The following AHCYL1 variants were observed in gnomAD, a reference collection of about 807,000 sequenced individuals.
AHCYL1 encodes the protein S-adenosylhomocysteine hydrolase-like protein 1.
AHCYL1 carries 20 observed loss-of-function variants against 79.3 expected under a neutral mutation model. The ratio of observed to expected loss-of-function variants is 0.25; its 90% CI spans 0.18 to 0.37. The LOEUF (loss-of-function observed/expected upper bound fraction) is 0.37. Ranked by LOEUF, AHCYL1 falls within the 10% of genes least tolerant of loss-of-function variation. The pLI, the probability that AHCYL1 is intolerant of heterozygous loss-of-function variation, is 1.00. For missense variants in AHCYL1, 330 were observed against 673.6 expected, an observed-to-expected ratio of 0.49 and a Z score of 5.65; for synonymous variants, 223 against 242.2, an observed-to-expected ratio of 0.92 and a Z score of 0.74.
intron 13 of AHCYL1, 86 bp from the exon 14 acceptor site, chr1:110,018,965 T>G (rs1651613642): frequency 1.5e-6 from 2 of 1,290,354 alleles, no homozygotes; most frequent in Non-Finnish European, 2.3e-6. Flanking sequence ...TAGAGGGGTG[T>G]AAAGTCCTCT....
At chr1:110,014,153 G>T (rs890280980) in intron 5 of AHCYL1, among the ~76,000 whole-genome samples, 1 of 152,034 alleles carries the variant, frequency 6.6e-6, no homozygotes, top group Admixed American at 6.6e-5. Flanking sequence ...ATACTTTTGG[G>T]TTTTTTTGTT....
Position 110,012,453 on chromosome 1 carries a change from C to T in AHCYL1, c.468C>T (p.Ala156=), listed in dbSNP as rs184239081. ...TAGTGGGCTGTACACACATCACAGC[C>T]CAGACAGCGGTGAGTTTGTTGGAAG... ...AKIVGCTHIT[A]QTAVLIETLC... The change falls in exon 4 of 17, where the codon GCC becomes GCT. Residue 156 remains alanine, a synonymous_variant. Transcript: ENST00000369799. 5.0e-6 allele frequency: 8 copies of T among 1,603,756 alleles called. No homozygotes were observed. The highest frequency in any genetic ancestry group is 2.2e-5 in the East Asian group (1 of 44,562).
At chr1:110,017,096 C>G (rs61785489) in intron 9 of AHCYL1, among the ~76,000 whole-genome samples, 1 of 152,124 alleles carries the variant, frequency 6.6e-6, no homozygotes, top group Non-Finnish European at 1.5e-5. Context: ...TATCTCCAAA[C>G]TGGAATAGGT....
chr1:109,989,824 C>T (rs941745631), intron 1 of AHCYL1, among the ~76,000 whole-genome samples: 4 of 152,194 alleles, frequency 2.6e-5, no homozygotes, highest in African/African-American at 9.7e-5. Context: ...TAATTCAGAA[C>T]ACATGCTAAT....
At chr1:109,996,671 T>C (rs1650049518) in intron 1 of AHCYL1, among the ~76,000 whole-genome samples, 1 of 152,238 alleles carries the variant, frequency 6.6e-6, no homozygotes, top group African/African-American at 2.4e-5. Context: ...TTTAAATGAC[T>C]GGCAACGCAG....
intron 1 of AHCYL1, among the ~76,000 whole-genome samples, chr1:110,002,284 G>C (rs1208344434): frequency 6.6e-6 from 1 of 152,184 alleles, no homozygotes; most frequent in South Asian, 2.1e-4. Context: ...GAGAGAAATG[G>C]TTGATTCCAG....
At chr1:110,008,067 G>T (rs1283313064) in intron 1 of AHCYL1, among the ~76,000 whole-genome samples, 1 of 145,284 alleles carries the variant, frequency 6.9e-6, no homozygotes, top group East Asian at 2.0e-4. Flanking sequence ...CTGTCACCCA[G>T]GCTGGAGTGC....
intron 1 of AHCYL1, among the ~76,000 whole-genome samples, chr1:109,997,690 G>A (rs1301674474): frequency 6.6e-6 from 1 of 152,174 alleles, no homozygotes; most frequent in East Asian, 1.9e-4. Context: ...AACGCGTACT[G>A]CAGAAACATG....
chr1:109,989,619 A>G (rs1649651001), intron 1 of AHCYL1, among the ~76,000 whole-genome samples: 1 of 152,034 alleles, frequency 6.6e-6, no homozygotes, highest in African/African-American at 2.4e-5. Flanking sequence ...GTACTCTGCC[A>G]CTCCGAGTAG....
intron 1 of AHCYL1, chr1:110,004,537 C>CA (rs1386146043): frequency 2.1e-6 from 2 of 968,182 alleles, no homozygotes; most frequent in Non-Finnish European, 2.5e-6. Context: ...GAAAGGTATT[C>CA]AGACTTGTGT....
Position 110,022,322 on chromosome 1 carries a change from G to T in AHCYL1, c.*642G>T, listed in dbSNP as rs1570899464. ...TGCTCATTTTTCGAGTTTTTAACTA[G>T]ACTACACTCTATTGAGTTTAATTTT... On this transcript the variant is annotated 3_prime_UTR_variant, in exon 17 of 17. Coordinates refer to ENST00000369799, the MANE Select transcript of AHCYL1 (RefSeq NM_006621.7). 1.4e-5 allele frequency: 2 copies of T among 147,996 alleles called. No homozygotes were observed. Among genetic ancestry groups the T allele is most frequent in the South Asian group, 2.1e-4 (1 of 4,736 alleles). 9.2% of individuals were successfully genotyped at this position (147,996 alleles called of 1,614,324 possible). A position where few individuals can be genotyped will look rare whatever the true frequency, so the allele number is the denominator to read the frequency against.
intron 1 of AHCYL1, among the ~76,000 whole-genome samples, chr1:109,990,975 C>T (rs1302330031): frequency 2.0e-5 from 3 of 152,154 alleles, no homozygotes; most frequent in African/African-American, 7.2e-5. Context: ...TCTTAACAGC[C>T]TGCTTCTAAT....
chr1:110,008,997 T>A (rs749783924), intron 1 of AHCYL1, 37 bp from the exon 2 acceptor site: 2 of 1,512,498 alleles, frequency 1.3e-6, no homozygotes, highest in Non-Finnish European at 1.8e-6. Context: ...TGGATTTTCC[T>A]TATAAGTTTT....
At chr1:110,009,255 T>G (rs1173314489) in intron 2 of AHCYL1, 110 bp downstream of exon 2, 1 of 915,972 alleles carries the variant, frequency 1.1e-6, no homozygotes, top group Non-Finnish European at 1.6e-6. Context: ...CCCACCTTTG[T>G]GCTGAAAACT....
intron 3 of AHCYL1, 128 bp downstream of exon 3, chr1:110,011,485 T>C: frequency 7.9e-7 from 1 of 1,265,862 alleles, no homozygotes; most frequent in Non-Finnish European, 1.1e-6. Context: ...TTATGGACTT[T>C]CGGATAAACA....
chr1:110,019,607 C>T lies in AHCYL1; in HGVS notation c.1446C>T (p.Tyr482=), dbSNP rs779861730. 3 of 1,612,920 alleles carry T rather than the reference C, an allele frequency of 1.9e-6. No individual in the cohort carries two copies. The highest frequency in any genetic ancestry group is 2.5e-6 in the Non-Finnish European group (3 of 1,179,788). ...AGGGGCGATACAAGCAGGATGTGTA[C>T]TTGCTTCCTAAGAAAATGGGTGAGT... The part of the protein sequence containing the change: ...APEGRYKQDV[Y]LLPKKMDEYV... The change falls in exon 15 of 17, where the codon TAC becomes TAT. Residue 482 remains tyrosine (Y), a synonymous_variant. Coordinates refer to ENST00000369799, the MANE Select transcript of AHCYL1 (RefSeq NM_006621.7).
intron 1 of AHCYL1, among the ~76,000 whole-genome samples, chr1:110,003,061 T>C (rs146542140): frequency 2.1e-3 from 316 of 152,224 alleles, no homozygotes; most frequent in African/African-American, 7.5e-3. Context: ...CAACTGCATT[T>C]AATGAACCTT....
intron 13 of AHCYL1, 170 bp downstream of exon 13, chr1:110,018,820 A>C (rs993671376): frequency 2.6e-6 from 2 of 759,314 alleles, no homozygotes; most frequent in Non-Finnish European, 4.3e-6. Flanking sequence ...AAAAAAATCT[A>C]CTTTTTACTA....
chr1:109,985,219 G>T, intron 1 of AHCYL1, 47 bp downstream of exon 1: 1 of 1,578,818 alleles, frequency 6.3e-7, no homozygotes, highest in South Asian at 1.2e-5. Flanking sequence ...CCGGCCTCGC[G>T]GAAGGGACGC....
Sources: gnomAD v4.1 joint callset for allele counts (sites outside exome capture counted in the v4.1 genomes callset) on GRCh38, gnomAD v4.1.1 for gene constraint, MANE v1.5 for transcripts, NCBI Gene and HGNC (gene_info 2026-07-23, HGNC 2026-07-21) for gene names.